SH3YL1: variants seen among roughly 807,000 people sequenced by gnomAD.
SH3YL1 encodes the protein SH3 domain-containing YSC84-like protein 1.
SH3YL1 carries 41 observed loss-of-function variants against 45.8 expected under a neutral mutation model. The ratio of observed to expected loss-of-function variants is 0.89; its 90% CI spans 0.70 to 1.16. The LOEUF (loss-of-function observed/expected upper bound fraction) is 1.16, where lower values mean the gene tolerates loss of function less well. Among genes scored for constraint, SH3YL1 ranks in the 50% most tolerant of loss-of-function variants. The probability of loss-of-function intolerance (pLI) is 0.00; values close to 1 mark genes in which losing one functional copy is unlikely to be tolerated. For synonymous variants in SH3YL1, 152 were observed against 151.4 expected (o/e 1.00, Z -0.03); for missense variants, 389 against 409.6 (o/e 0.95, Z 0.43).
chr2:254,781 G>A (rs1669240757), intron 1 of SH3YL1, among the ~76,000 whole-genome samples: 2 of 152,140 alleles, frequency 1.3e-5, no homozygotes, highest in Admixed American at 6.5e-5. Context: ...ATGGAACTCA[G>A]ACTCATCCCT....
Position 218,671 on chromosome 2 carries a change from C to T in SH3YL1, c.*140G>A. On this transcript the variant is annotated 3_prime_UTR_variant, in exon 10 of 10. Coordinates refer to ENST00000356150, the MANE Select transcript of SH3YL1 (RefSeq NM_015677.4). ...AGTCAGCTCTTTTTATATAGAAAAA[C>T]AAAATCTTTTACATACGGAATGGAA... 1 of 701,636 alleles carries T rather than the reference C, an allele frequency of 1.4e-6. No individual in the cohort carries two copies. The highest frequency in any genetic ancestry group is 2.3e-6 in the Non-Finnish European group (1 of 442,722). The allele number at this position is 701,636 out of a possible 1,614,324, so 43.5% of individuals were successfully genotyped here. A position where few individuals can be genotyped will look rare whatever the true frequency, so the allele number is the denominator to read the frequency against.
At position 254,338 on chromosome 2, in the gene SH3YL1, A is replaced by G. The variant is rs138861929; in HGVS notation, c.2-1223T>C. Among the ~76,000 whole-genome samples, 42 of 152,306 alleles carry G rather than the reference A, an allele frequency of 2.8e-4. 1 individual carries two copies. Among genetic ancestry groups the G allele is most frequent in the Middle Eastern group, 6.8e-3 (2 of 294 alleles). ...GCTCACATAATTCTTCCAGCTCTGA[A>G]GTATATCGAGAAGATAGACTATTCT... On this transcript the variant is annotated intron_variant, in intron 1 of 9. Transcript: ENST00000356150.
chr2:253,638 A>G (rs1395021167), intron 1 of SH3YL1, among the ~76,000 whole-genome samples: 1 of 152,208 alleles, frequency 6.6e-6, no homozygotes, highest in African/African-American at 2.4e-5. Flanking sequence ...TTTAGCATAT[A>G]ATTGAAAAAC....
Position 249,801 on chromosome 2 carries a change from C to T in SH3YL1, c.156G>A (p.Val52=). The change falls in exon 3 of 10, where the codon GTG becomes GTA. Residue 52 remains valine, a synonymous_variant. Transcript: ENST00000356150. ...CAGTCACCAGGAACCCGGCTTTGAT[C>T]ACAGACAGAATTGCAAGGCCTTTAG... ...AKAKGLAILS[V]IKAGFLVTAR... The T allele has an allele frequency of 3.9e-6, 6 of 1,552,070 alleles. No individual in the cohort carries two copies. The highest frequency in any genetic ancestry group is 2.4e-5 in the East Asian group (1 of 40,926).
chr2:254,662 G>A (rs926556066), intron 1 of SH3YL1, among the ~76,000 whole-genome samples: 5 of 152,192 alleles, frequency 3.3e-5, no homozygotes, highest in African/African-American at 1.2e-4. Flanking sequence ...TGGGAACTCT[G>A]TGAGGCAAAC....
Position 218,677 on chromosome 2 carries a change from C to A in SH3YL1, c.*134G>T. ...CTCTTTTTATATAGAAAAACAAAAT[C>A]TTTTACATACGGAATGGAAATTTTG... is the stretch of plus-strand genomic sequence containing the variant. On this transcript the variant is annotated 3_prime_UTR_variant, in exon 10 of 10. Transcript: ENST00000356150. The A allele has an allele frequency of 1.4e-6, 1 of 731,118 alleles. No individual in the cohort carries two copies. Among genetic ancestry groups the A allele is most frequent in the South Asian group, 2.4e-5 (1 of 42,224 alleles). 45.3% of individuals were successfully genotyped at this position (731,118 alleles called of 1,614,324 possible).
In SH3YL1 at chr2:231,046, C is replaced by G. The variant is rs1668013379; in HGVS notation, c.679G>C (p.Ala227Pro). The change falls in exon 7 of 10, where the codon GCA (alanine) becomes CCA (proline). Residue 227 changes from alanine to proline, a missense_variant. Physicochemically the swap from Ala to Pro is conservative, Grantham distance 27 (BLOSUM62 -1). Coordinates refer to ENST00000356150, the MANE Select transcript of SH3YL1 (RefSeq NM_015677.4). ...ACAGAAGACTTCCTCTGCTCCCTTG[C>G]TGCTTTTCTTGCATTGATTCGTTGT... Reference protein sequence around the residue: ...EGQRINARKAAREQRKSSAKE... With the variant: ...EGQRINARKAPREQRKSSAKE... The G allele has an allele frequency of 6.2e-7, 1 of 1,614,002 alleles. No individual in the cohort carries two copies. The highest frequency in any genetic ancestry group is 1.7e-5 in the Admixed American group (1 of 59,994).
At chr2:233,449 G>C (rs534032397) in intron 5 of SH3YL1, among the ~76,000 whole-genome samples, 1 of 152,292 alleles carries the variant, frequency 6.6e-6, no homozygotes, top group African/African-American at 2.4e-5. Flanking sequence ...ATTACAGAAG[G>C]CTCTGGTAAC....
chr2:231,131 A>G lies in SH3YL1; in HGVS notation c.594T>C (p.Ala198=). The G allele has an allele frequency of 6.2e-7, 1 of 1,614,082 alleles. No homozygotes were observed. Reference sequence around the variant, plus strand: ...GAATTTCATAAAGATCTTCGGCTTGAGCAGGCCGCGGTGTATCTCCAAATA... The same window carrying G: ...GAATTTCATAAAGATCTTCGGCTTGGGCAGGCCGCGGTGTATCTCCAAATA... The part of the protein sequence containing the change: ...DILFGDTPRP[A]QAEDLYEILD... Residue 198 remains alanine (A), a synonymous_variant, in exon 7 of 10, where the codon GCT becomes GCC. Coordinates refer to ENST00000356150, the MANE Select transcript of SH3YL1 (RefSeq NM_015677.4).
chr2:231,219 T>G (rs1174297958), intron 6 of SH3YL1, 28 bp from the exon 7 acceptor site: 1 of 1,517,320 alleles, frequency 6.6e-7, no homozygotes, highest in Non-Finnish European at 9.0e-7. Flanking sequence ...ATTAAAAACA[T>G]TTTAATATAC....
upstream of SH3YL1, chr2:264,182 C>T: frequency 7.2e-6 from 5 of 696,434 alleles, no homozygotes; most frequent in Non-Finnish European, 1.1e-5. Flanking sequence ...GGCCTTCGCC[C>T]TCAGGGACTT....
chr2:254,535 T>G (rs1238461668), intron 1 of SH3YL1, among the ~76,000 whole-genome samples: 1 of 152,184 alleles, frequency 6.6e-6, no homozygotes, highest in African/African-American at 2.4e-5. Flanking sequence ...TCATTTCCAC[T>G]GTTTCGCCTC....
chr2:263,989 CCCGCCCGGCCGCGGCG>C lies in SH3YL1; in HGVS notation c.-21_-6del. 6.8e-7 allele frequency: 1 copy of C among 1,463,502 alleles called. No homozygotes were observed. Among genetic ancestry groups the C allele is most frequent in the Non-Finnish European group, 9.1e-7 (1 of 1,102,506 alleles). 90.7% of individuals were successfully genotyped at this position (1,463,502 alleles called of 1,614,324 possible). A position where few individuals can be genotyped will look rare whatever the true frequency, so the allele number is the denominator to read the frequency against. ...GTGGGTCCCCGGGTACTCACTGCTG[CCCGCCCGGCCGCGGCG>C]CCCCGTCCCGAGGCTGCCCAGGAAG... On this transcript the variant is annotated 5_prime_UTR_variant, in exon 1 of 10. Coordinates refer to ENST00000356150, the MANE Select transcript of SH3YL1 (RefSeq NM_015677.4).
chr2:245,363 T>C (rs1668752297), intron 4 of SH3YL1, among the ~76,000 whole-genome samples: 1 of 152,232 alleles, frequency 6.6e-6, no homozygotes, highest in Admixed American at 6.5e-5. Context: ...TTAATTTCCA[T>C]ACTGTCATGA....
At chr2:259,844 T>C (rs970249998) in intron 1 of SH3YL1, 2 of 151,250 alleles carry the variant, frequency 1.3e-5, no homozygotes, top group African/African-American at 4.9e-5. Flanking sequence ...AAAGATAAAC[T>C]CCAAATTCAT....
At chr2:250,569 A>AT (rs1217698665) in intron 2 of SH3YL1, among the ~76,000 whole-genome samples, 1 of 152,218 alleles carries the variant, frequency 6.6e-6, no homozygotes, top group African/African-American at 2.4e-5. Flanking sequence ...TTACGACACA[A>AT]TAACACCTCA....
At chr2:253,147 A>C in intron 1 of SH3YL1, 32 bp from the exon 2 acceptor site, 1 of 1,205,724 alleles carries the variant, frequency 8.3e-7, no homozygotes, top group Non-Finnish European at 1.2e-6. Context: ...TTTAATGAAA[A>C]ATTCTGCTAA....
At chr2:253,623 C>T (rs191900959) in intron 1 of SH3YL1, among the ~76,000 whole-genome samples, 179 of 152,294 alleles carry the variant, frequency 1.2e-3, no homozygotes, top group African/African-American at 4.0e-3. Context: ...ATAATCCACT[C>T]CGTGTTTAGC....
intron 4 of SH3YL1, chr2:242,835 C>T: frequency 2.6e-6 from 4 of 1,524,910 alleles, no homozygotes; most frequent in Non-Finnish European, 3.5e-6. Context: ...AAAGATGTGT[C>T]ATGCAGATGG....
Sources: gnomAD v4.1 joint callset for allele counts (sites outside exome capture counted in the v4.1 genomes callset) on GRCh38, gnomAD v4.1.1 for gene constraint, MANE v1.5 for transcripts, NCBI Gene and HGNC (gene_info 2026-07-23, HGNC 2026-07-21) for gene names.